GRK3: variants seen among roughly 807,000 people sequenced by gnomAD.
GRK3 encodes the protein adrenergic, beta, receptor kinase 2.
In GRK3, 54 loss-of-function variants were observed where a neutral mutation model predicts 95.7. The observed-to-expected ratio is 0.56, with a 90% CI of 0.45 to 0.71. The LOEUF (loss-of-function observed/expected upper bound fraction) is 0.71. GRK3 is among the 30% of genes least tolerant of loss of function. The pLI, the probability that GRK3 is intolerant of heterozygous loss-of-function variation, is 0.00. For synonymous variants in GRK3, 281 were observed against 290.8 expected (o/e 0.97, Z 0.34); for missense variants, 649 against 851.2 (o/e 0.76, Z 2.96).
At chr22:25,719,299 A>C (rs994200315) in intron 19 of GRK3, among the ~76,000 whole-genome samples, 1 of 152,148 alleles carries the variant, frequency 6.6e-6, no homozygotes, top group Non-Finnish European at 1.5e-5. Flanking sequence ...CCACCCAAAA[A>C]CACAACTGGA....
chr22:25,667,595 A>G lies in GRK3; in HGVS notation c.442-144A>G. On this transcript the variant is annotated intron_variant, in intron 5 of 20. Transcript: ENST00000324198. ...ATGAATGCATTAGTGAATATTAGAC[A>G]AGCACGGAGAAGGGCAGGTACCAGA... is the stretch of plus-strand genomic sequence containing the variant. 5.0e-6 allele frequency: 3 copies of G among 600,602 alleles called. No homozygotes were observed. In the South Asian group the frequency reaches 6.3e-5, roughly 13 times the overall value. 37.2% of individuals were successfully genotyped at this position (600,602 alleles called of 1,614,324 possible).
At chr22:25,721,090 C>A (rs780972817) in intron 19 of GRK3, among the ~76,000 whole-genome samples, 194 bp from the exon 20 acceptor site, 33 of 152,154 alleles carry the variant, frequency 2.2e-4, no homozygotes, top group Non-Finnish European at 4.4e-4. Flanking sequence ...CTGCAGTTTT[C>A]CTTGAAACAT....
intron 16 of GRK3, among the ~76,000 whole-genome samples, chr22:25,710,494 T>C (rs1349318174): frequency 6.6e-6 from 1 of 152,254 alleles, no homozygotes; most frequent in Non-Finnish European, 1.5e-5. Flanking sequence ...TTTGCGTTGA[T>C]ACAGGAAACA....
chr22:25,701,910 G>C (rs2085261860), intron 13 of GRK3, among the ~76,000 whole-genome samples: 1 of 152,138 alleles, frequency 6.6e-6, no homozygotes, highest in African/African-American at 2.4e-5. Context: ...ATAAAAGAAT[G>C]ATACAAGTAT....
At chr22:25,614,007 A>C (rs996312470) in intron 2 of GRK3, among the ~76,000 whole-genome samples, 2 of 151,234 alleles carry the variant, frequency 1.3e-5, no homozygotes, top group Non-Finnish European at 3.0e-5. Flanking sequence ...CGCCCCACCC[A>C]AAAAAAAATT....
intron 13 of GRK3, among the ~76,000 whole-genome samples, chr22:25,699,508 C>G (rs1042665826): frequency 3.2e-4 from 49 of 152,050 alleles, no homozygotes; most frequent in African/African-American, 4.8e-5. Flanking sequence ...GCTCAACATC[C>G]TATGAGGCAC....
chr22:25,650,234 G>A (rs2084819963), intron 3 of GRK3, among the ~76,000 whole-genome samples: 1 of 152,048 alleles, frequency 6.6e-6, no homozygotes, highest in African/African-American at 2.4e-5. Context: ...GTAGAGACGG[G>A]GTTTCACCAT....
chr22:25,699,694 C>CTTTTT (rs1157678995), intron 13 of GRK3, among the ~76,000 whole-genome samples: 7 of 139,178 alleles, frequency 5.0e-5, no homozygotes, highest in African/African-American at 1.4e-4. Context: ...CTTTTCTTTT[C>CTTTTT]TTTTCTTTTT....
At chr22:25,667,885 G>A (rs1368486008) in intron 6 of GRK3, 85 bp downstream of exon 6, 2 of 779,242 alleles carry the variant, frequency 2.6e-6, no homozygotes, top group South Asian at 1.6e-5. Flanking sequence ...ACCTTAAAAT[G>A]TGTGTTAATC....
chr22:25,608,634 G>C (rs1264610819), intron 2 of GRK3, among the ~76,000 whole-genome samples: 3 of 152,220 alleles, frequency 2.0e-5, no homozygotes, highest in Non-Finnish European at 4.4e-5. Context: ...GAGTGGCCCT[G>C]GCTGGCAGCA....
chr22:25,685,493 A>T (rs2085105797), intron 10 of GRK3, among the ~76,000 whole-genome samples: 1 of 152,206 alleles, frequency 6.6e-6, no homozygotes, highest in Admixed American at 6.5e-5. Context: ...ATTATCATGA[A>T]ATACTTACAG....
intron 12 of GRK3, among the ~76,000 whole-genome samples, chr22:25,692,209 C>T (rs1215632329): frequency 1.3e-5 from 2 of 152,136 alleles, no homozygotes; most frequent in African/African-American, 4.8e-5. Context: ...CTCAAGCAAC[C>T]CTCCCACTTT....
chr22:25,695,183 C>T lies in GRK3; in HGVS notation c.1129C>T (p.Leu377=). The change falls in exon 13 of 21, where the codon CTG becomes TTG. Residue 377 remains leucine (L), a synonymous_variant. Transcript: ENST00000324198. ...TGACAGCAGTGCCGACTGGTTCTCC[C>T]TGGGCTGCATGCTTTTCAAACTTCT... The part of the protein sequence containing the change: ...AYDSSADWFS[L]GCMLFKLLRG... The T allele has an allele frequency of 1.9e-6, 3 of 1,614,156 alleles. No individual in the cohort carries two copies. The highest frequency in any genetic ancestry group is 2.5e-6 in the Non-Finnish European group (3 of 1,179,988).
chr22:25,722,086 A>T (rs1208593748), intron 20 of GRK3, among the ~76,000 whole-genome samples: 1 of 152,204 alleles, frequency 6.6e-6, no homozygotes, highest in Non-Finnish European at 1.5e-5. Context: ...GAAGGGTTTT[A>T]ATGTGGCCTT....
chr22:25,623,792 C>T (rs1418880513), intron 2 of GRK3, among the ~76,000 whole-genome samples: 1 of 152,188 alleles, frequency 6.6e-6, no homozygotes. Flanking sequence ...GCCCCATCAT[C>T]CTCCATTTCC....
rs192790067 is a variant in GRK3, at chr22:25,604,849, T to C, written c.190+396T>C. 7.1e-3 allele frequency among the ~76,000 whole-genome samples: 1,077 copies of C among 152,182 alleles called. 14 individuals are homozygous for C. Among genetic ancestry groups the C allele is most frequent in the African/African-American group, 0.024 (1,014 of 41,404 alleles). On this transcript the variant is annotated intron_variant, in intron 2 of 20. Coordinates refer to ENST00000324198, the MANE Select transcript of GRK3 (RefSeq NM_005160.4). ...TATGAAAATTCCAAGAAATTAAAGT[T>C]CCCTAGAACTCAATTTGTGCTCTGT... is the stretch of plus-strand genomic sequence containing the variant.
At chr22:25,604,851 C>T (rs774997176) in intron 2 of GRK3, among the ~76,000 whole-genome samples, 4 of 151,926 alleles carry the variant, frequency 2.6e-5, no homozygotes, top group Non-Finnish European at 4.4e-5. Flanking sequence ...ATTAAAGTTC[C>T]CTAGAACTCA....
chr22:25,573,962 A>C (rs189131021), intron 1 of GRK3, among the ~76,000 whole-genome samples: 34 of 152,198 alleles, frequency 2.2e-4, no homozygotes, highest in African/African-American at 5.5e-4. Flanking sequence ...AACACCAACA[A>C]CACCACCACC....
chr22:25,616,387 GGAGA>G (rs143019947), intron 2 of GRK3, among the ~76,000 whole-genome samples: 17 of 149,718 alleles, frequency 1.1e-4, no homozygotes, highest in African/African-American at 7.3e-5. Flanking sequence ...AGAGAGGGAG[GGAGA>G]GAGAGAGAGA....
Sources: allele counts gnomAD v4.1 joint callset (sites outside exome capture counted in the v4.1 genomes callset), GRCh38; gene constraint gnomAD v4.1.1; transcripts MANE v1.5; gene names NCBI Gene and HGNC (gene_info 2026-07-23, HGNC 2026-07-21).